The following PRICKLE2 variants were observed in gnomAD, a reference collection of about 807,000 sequenced individuals.
PRICKLE2 encodes the protein prickle-like protein 2.
A neutral mutation model predicts 81.4 loss-of-function variants in PRICKLE2; 21 were observed. The observed-to-expected ratio is 0.26, with a 90% CI of 0.18 to 0.37. PRICKLE2 has a LOEUF of 0.37. PRICKLE2 is among the 10% of genes least tolerant of loss of function. The pLI is 1.00. For missense variants in PRICKLE2, 940 were observed against 1,109.0 expected, an observed-to-expected ratio of 0.85 and a Z score of 2.16; for synonymous variants, 456 against 421.5, an observed-to-expected ratio of 1.08 and a Z score of -1.00.
chr3:64,201,264 T>C (rs1335494698), intron 1 of PRICKLE2, among the ~76,000 whole-genome samples: 2 of 152,214 alleles, frequency 1.3e-5, no homozygotes, highest in South Asian at 2.1e-4. Flanking sequence ...TTCCTAGAAA[T>C]GAAATTGCTA....
At chr3:64,167,262 T>A (rs1475177473) in intron 2 of PRICKLE2, among the ~76,000 whole-genome samples, 2 of 152,196 alleles carry the variant, frequency 1.3e-5, no homozygotes, top group African/African-American at 4.8e-5. Context: ...CTATTACCCA[T>A]TATGCTGATA....
chr3:64,245,169 T>A (rs2079327490), intron 2 of PRICKLE2, among the ~76,000 whole-genome samples: 1 of 152,162 alleles, frequency 6.6e-6, no homozygotes, highest in Non-Finnish European at 1.5e-5. Context: ...TTCCAAAGCT[T>A]GATTTAACAA....
At chr3:64,133,878 C>T (rs1461958391) in intron 7 of PRICKLE2, among the ~76,000 whole-genome samples, 2 of 152,214 alleles carry the variant, frequency 1.3e-5, no homozygotes, top group Non-Finnish European at 2.9e-5. Flanking sequence ...CGCCAAATCT[C>T]ACACTCATCC....
chr3:64,236,598 T>C (rs1477668342), intron 2 of PRICKLE2, among the ~76,000 whole-genome samples: 2 of 152,216 alleles, frequency 1.3e-5, no homozygotes, highest in Admixed American at 1.3e-4. Context: ...AAATATTCCA[T>C]AAGACCTATA....
intron 2 of PRICKLE2, among the ~76,000 whole-genome samples, chr3:64,166,222 G>T (rs1246418160): frequency 1.3e-5 from 2 of 152,050 alleles, no homozygotes; most frequent in Non-Finnish European, 2.9e-5. Flanking sequence ...AGTTTGCACA[G>T]CATCACTTCA....
intron 1 of PRICKLE2, among the ~76,000 whole-genome samples, chr3:64,206,623 C>T (rs1575666099): frequency 2.6e-5 from 4 of 152,154 alleles, no homozygotes; most frequent in African/African-American, 9.7e-5. Context: ...GTCCCAAGTC[C>T]ATGGCTAGAT....
chr3:64,227,855 G>C (rs981845307), upstream of PRICKLE2, among the ~76,000 whole-genome samples: 3 of 152,204 alleles, frequency 2.0e-5, no homozygotes, highest in Admixed American at 6.5e-5. Flanking sequence ...GCGCAAATTA[G>C]TTAAGTAACC....
At chr3:64,246,301 TATAATTACCTTTA>T (rs2079352078) in intron 2 of PRICKLE2, among the ~76,000 whole-genome samples, 1 of 152,036 alleles carries the variant, frequency 6.6e-6, no homozygotes, top group Non-Finnish European at 1.5e-5. Flanking sequence ...ACCTCATTGC[TATAATTACCTTTA>T]AAAAACGCTG....
intron 1 of PRICKLE2, among the ~76,000 whole-genome samples, chr3:64,207,062 G>A (rs1036770511): frequency 2.0e-5 from 3 of 152,056 alleles, no homozygotes; most frequent in Non-Finnish European, 4.4e-5. Context: ...ACAATGCCCA[G>A]CTAATTTTTG....
At chr3:64,216,654 G>T (rs1435791899) in intron 1 of PRICKLE2, among the ~76,000 whole-genome samples, 1 of 152,208 alleles carries the variant, frequency 6.6e-6, no homozygotes, top group Non-Finnish European at 1.5e-5. Flanking sequence ...TTAGGCAGCT[G>T]GTTAGGCAGC....
chr3:64,101,511 G>A (rs894103605), intron 7 of PRICKLE2: 3 of 152,186 alleles, frequency 2.0e-5, no homozygotes, highest in Non-Finnish European at 4.4e-5. Flanking sequence ...CTAACTTGAA[G>A]GGGCCCCCAC....
intron 2 of PRICKLE2, among the ~76,000 whole-genome samples, chr3:64,166,410 C>A (rs1478565463): frequency 1.3e-5 from 2 of 152,140 alleles, no homozygotes; most frequent in Non-Finnish European, 2.9e-5. Flanking sequence ...GTGCAGCCAG[C>A]AGTGATGGAG....
At chr3:64,148,004 T>A (rs2077486416) in intron 6 of PRICKLE2, among the ~76,000 whole-genome samples, 1 of 152,230 alleles carries the variant, frequency 6.6e-6, no homozygotes, top group South Asian at 2.1e-4. Context: ...ATAGTAATAT[T>A]AACGTATGAT....
At chr3:64,115,153 G>A (rs1096264) in intron 7 of PRICKLE2, among the ~76,000 whole-genome samples, 113,028 of 152,084 alleles carry the variant, frequency 0.74, 43,618 homozygotes, top group South Asian at 0.87. Context: ...CAAATGCTGA[G>A]GGAATTTGTT....
intron 7 of PRICKLE2, among the ~76,000 whole-genome samples, chr3:64,139,852 C>T (rs696012): frequency 0.47 from 72,163 of 152,062 alleles, 17,418 homozygotes; most frequent in East Asian, 0.58. Context: ...GACCCTTCCC[C>T]TATCCCTGAA....
In PRICKLE2 at chr3:64,246,665, G is replaced by A. The variant is rs2079360486; in HGVS notation, c.129-47698C>T. Among the ~76,000 whole-genome samples, 5 of 152,166 alleles carry A rather than the reference G, an allele frequency of 3.3e-5. No homozygotes were observed. The South Asian group carries it at 8.3e-4, about 25-fold the overall frequency. The stretch of plus-strand genomic sequence containing the variant: ...GGAGCTGACACTTTGCATTTCTGAC[G>A]ACTTTCCAGGTGCTGGTAAAACTGA... On this transcript the variant is annotated intron_variant, in intron 2 of 8. Coordinates refer to the PRICKLE2 transcript ENST00000295902.
chr3:64,216,822 T>C (rs1250286312), intron 1 of PRICKLE2, among the ~76,000 whole-genome samples: 1 of 152,184 alleles, frequency 6.6e-6, no homozygotes, highest in Non-Finnish European at 1.5e-5. Flanking sequence ...CTGTGCATTT[T>C]CACCCTCCTT....
chr3:64,152,730 T>C (rs2077567432), intron 6 of PRICKLE2, among the ~76,000 whole-genome samples: 2 of 152,136 alleles, frequency 1.3e-5, no homozygotes, highest in Admixed American at 6.5e-5. Context: ...TGAGCCTCGG[T>C]TGTGGGACTG....
chr3:64,123,892 TATA>T (rs1559522910), intron 7 of PRICKLE2, among the ~76,000 whole-genome samples: 1 of 152,170 alleles, frequency 6.6e-6, no homozygotes, highest in Non-Finnish European at 1.5e-5. Flanking sequence ...TTAATAACCG[TATA>T]ATGTCTTCTA....
Sources: allele counts gnomAD v4.1 joint callset (sites outside exome capture counted in the v4.1 genomes callset), GRCh38; gene constraint gnomAD v4.1.1; transcripts MANE v1.5; gene names NCBI Gene and HGNC (gene_info 2026-07-23, HGNC 2026-07-21).